DDHD2: variants seen among roughly 807,000 people sequenced by gnomAD.
DDHD2 encodes the protein DDHD domain containing 2, also known as triacylglycerol hydrolase DDHD2.
In DDHD2, 62 loss-of-function variants were observed where a neutral mutation model predicts 91.2. The ratio of observed to expected loss-of-function variants is 0.68; its 90% CI spans 0.55 to 0.84. The LOEUF (loss-of-function observed/expected upper bound fraction) is 0.84, where lower values mean the gene tolerates loss of function less well. Ranked by LOEUF, DDHD2 falls within the 40% of genes least tolerant of loss-of-function variation. The pLI is 0.00. For missense variants in DDHD2, 740 were observed against 846.9 expected, an observed-to-expected ratio of 0.87 and a Z score of 1.57; for synonymous variants, 271 against 293.9, an observed-to-expected ratio of 0.92 and a Z score of 0.80.
At position 38,239,355 on chromosome 8, in the gene DDHD2, CAG is replaced by C. The variant is rs1291548225; in HGVS notation, c.623-917_623-916del. Among the ~76,000 whole-genome samples the C allele has an allele frequency of 5.4e-5, 7 of 129,160 alleles. No individual in the cohort carries two copies. In the East Asian group the frequency reaches 8.9e-4, roughly 16 times the overall value. 84.7% of individuals were successfully genotyped at this position (129,160 alleles called of 152,430 possible). A position where few individuals can be genotyped will look rare whatever the true frequency, so the allele number is the denominator to read the frequency against. On this transcript the variant is annotated intron_variant, in intron 5 of 17. Transcript: ENST00000397166. Reference sequence around the variant, plus strand: ...TGCCACTGCACTCCAGCCTAGGCGACAGAGTGAGACTCTGTCTCAAAAAAAAA... The same window carrying C: ...TGCCACTGCACTCCAGCCTAGGCGACAGTGAGACTCTGTCTCAAAAAAAAA...
At chr8:38,264,969 AT>A (rs778239980), downstream of DDHD2, 1 of 1,564,030 alleles carries the variant, frequency 6.4e-7, no homozygotes, top group Non-Finnish European at 8.8e-7. Context: ...GGAATAAAGT[AT>A]TTTAAGAGTT....
downstream of DDHD2, chr8:38,263,201 A>C (rs1807168412): frequency 6.1e-6 from 1 of 163,332 alleles, no homozygotes; most frequent in Admixed American, 6.5e-5. Flanking sequence ...CATAAAAGAC[A>C]ATGTCATATT....
At chr8:38,236,125 G>A (rs112662418) in intron 3 of DDHD2, among the ~76,000 whole-genome samples, 1 of 151,880 alleles carries the variant, frequency 6.6e-6, no homozygotes, top group Non-Finnish European at 1.5e-5. Flanking sequence ...CCATTCTCCT[G>A]TCTCAGCCTC....
Position 38,252,819 on chromosome 8 carries a change from A to G in DDHD2, c.1715A>G (p.His572Arg). The G allele has an allele frequency of 6.2e-7, 1 of 1,613,994 alleles. No homozygotes were observed. The change falls in exon 14 of 18, where the codon CAC (histidine) becomes CGC (arginine). Residue 572 changes from histidine to arginine, a missense_variant. This residue lies in a region of DDHD2 where 693 missense variants were observed against 764.2 expected (regional missense o/e 0.91). Coordinates refer to ENST00000397166, the MANE Select transcript of DDHD2 (RefSeq NM_015214.3). ...IPHHKGRKRM[H>R]LELREGLTRM... ...CATCATAAAGGCAGGAAGCGGATGC[A>G]CTTAGGTAAGTCCGAGCATAGAACT...
chr8:38,236,162 G>A (rs188332187), intron 3 of DDHD2, among the ~76,000 whole-genome samples: 59 of 151,576 alleles, frequency 3.9e-4, no homozygotes, highest in African/African-American at 1.3e-3. Context: ...ACAGGCGCCC[G>A]CCACCACGCC....
intron 10 of DDHD2, among the ~76,000 whole-genome samples, chr8:38,248,748 C>T (rs983098417): frequency 2.6e-5 from 4 of 151,898 alleles, no homozygotes; most frequent in East Asian, 4.0e-4. Flanking sequence ...AGTTCGAGAC[C>T]AATCTAGTCA....
At chr8:38,232,160 GA>G in intron 1 of DDHD2, 1 of 153,110 alleles carries the variant, frequency 6.5e-6, no homozygotes, top group South Asian at 2.1e-4. Context: ...TCTGTGTGGG[GA>G]AAAGGACAAT....
At chr8:38,246,168 TG>T in intron 8 of DDHD2, 64 bp from the exon 9 acceptor site, 1 of 1,274,316 alleles carries the variant, frequency 7.8e-7, no homozygotes, top group East Asian at 2.3e-5. Flanking sequence ...ATGCCTTTTT[TG>T]TATAACAGAG....
intron 10 of DDHD2, 42 bp downstream of exon 10, chr8:38,247,877 G>C: frequency 6.7e-7 from 1 of 1,491,028 alleles, no homozygotes; most frequent in Non-Finnish European, 9.0e-7. Flanking sequence ...GCCATTTTCA[G>C]TATTTTTGTT....
At chr8:38,268,484 A>G in intron 1 of DDHD2, 1 of 1,554,856 alleles carries the variant, frequency 6.4e-7, no homozygotes, top group Non-Finnish European at 8.7e-7. Context: ...GTCAGAGGTT[A>G]AAAACAATCC....
At chr8:38,265,485 G>A (rs755021379), downstream of DDHD2, 5 of 151,724 alleles carry the variant, frequency 3.3e-5, no homozygotes, top group African/African-American at 4.8e-5. Context: ...TAGAGATAGC[G>A]TTTCACTGTT....
chr8:38,269,267 CTG>C, intron 1 of DDHD2: 2 of 1,349,618 alleles, frequency 1.5e-6, no homozygotes, highest in Non-Finnish European at 1.9e-6. Flanking sequence ...GGGCCGGGAA[CTG>C]GGCACCGCCC....
downstream of DDHD2, chr8:38,271,653 A>G (rs1015164411): frequency 3.9e-5 from 6 of 152,250 alleles, no homozygotes; most frequent in South Asian, 2.1e-4. Flanking sequence ...CCATTCATCA[A>G]TTCATGTCTG....
chr8:38,248,462 A>T (rs911022619), intron 10 of DDHD2, among the ~76,000 whole-genome samples: 1 of 151,126 alleles, frequency 6.6e-6, no homozygotes, highest in Non-Finnish European at 1.5e-5. Context: ...TGCTTACTAT[A>T]CCAAGTACTG....
At chr8:38,263,860 A>G (rs1236753872), downstream of DDHD2, 1 of 985,234 alleles carries the variant, frequency 1.0e-6, no homozygotes, top group African/African-American at 1.7e-5. Flanking sequence ...ATTAAATGTA[A>G]AAACACTGTA....
intron 7 of DDHD2, among the ~76,000 whole-genome samples, chr8:38,244,975 CTAT>C (rs1300355142): frequency 6.6e-6 from 1 of 151,316 alleles, no homozygotes; most frequent in African/African-American, 2.4e-5. Flanking sequence ...TTCCAGTTGT[CTAT>C]TATATTTTTA....
At position 38,246,230 on chromosome 8, in the gene DDHD2, T is replaced by C. The variant is rs778789498; in HGVS notation, c.1058-3T>C. 30 of 1,594,478 alleles carry C rather than the reference T, an allele frequency of 1.9e-5. No homozygotes were observed. The highest frequency in any genetic ancestry group is 1.8e-4 in the South Asian group (16 of 89,826). On this transcript the variant is annotated splice_region_variant and splice_polypyrimidine_tract_variant and intron_variant, in intron 8 of 17. Coordinates refer to ENST00000397166, the MANE Select transcript of DDHD2 (RefSeq NM_015214.3). ...ATTGTCCCTTCTTCTATTTTACTTA[T>C]AGGTTCGCTTATATTGTTTGATATC...
intron 7 of DDHD2, 139 bp from the exon 8 acceptor site, chr8:38,245,601 ATG>A: frequency 1.3e-6 from 1 of 756,560 alleles, no homozygotes; most frequent in Non-Finnish European, 2.2e-6. Flanking sequence ...TTCATTACAC[ATG>A]TTCCTTTGTC....
At chr8:38,259,958 A>G in intron 16 of DDHD2, 82 bp from the exon 17 acceptor site, 5 of 871,556 alleles carry the variant, frequency 5.7e-6, no homozygotes, top group Non-Finnish European at 9.5e-6. Flanking sequence ...AGATGGTTGT[A>G]TGGATTAAAT....
Sources: gnomAD v4.1 joint callset for allele counts (sites outside exome capture counted in the v4.1 genomes callset) on GRCh38, gnomAD v4.1.1 for gene constraint, gnomAD v4.1.1 regional missense constraint, MANE v1.5 for transcripts, NCBI Gene and HGNC (gene_info 2026-07-23, HGNC 2026-07-21) for gene names.